DIAPH2: variants seen among roughly 807,000 people sequenced by gnomAD.
DIAPH2 encodes protein diaphanous homolog 2.
In DIAPH2, 35 loss-of-function variants were observed where a neutral mutation model predicts 92.7. The ratio of observed to expected loss-of-function variants is 0.38; its 90% confidence interval spans 0.29 to 0.50. The LOEUF (loss-of-function observed/expected upper bound fraction) is 0.50. Among genes scored for constraint, DIAPH2 ranks in the 20% least tolerant of loss-of-function variants. The pLI is 0.94. For synonymous variants in DIAPH2, 301 were observed against 280.4 expected, an observed-to-expected ratio of 1.07 and a Z score of -0.73; for missense variants, 701 against 819.5, an observed-to-expected ratio of 0.86 and a Z score of 1.77.
intron 3 of DIAPH2, among the ~76,000 whole-genome samples, chrX:96,742,635 C>T (rs768778176): frequency 1.8e-5 from 2 of 110,786 alleles, no homozygotes; most frequent in African/African-American, 6.6e-5. Context: ...TTTATTGTAG[C>T]TCTAAGGAAC....
At chrX:97,599,010 T>G (rs1223991992) in intron 26 of DIAPH2, among the ~76,000 whole-genome samples, 1 of 112,084 alleles carries the variant, frequency 8.9e-6, no homozygotes, top group Non-Finnish European at 1.9e-5. Flanking sequence ...CTGCTTCCAT[T>G]TCTTTTATCA....
intron 23 of DIAPH2, among the ~76,000 whole-genome samples, chrX:97,267,278 G>A (rs1019741731): frequency 5.4e-5 from 6 of 110,742 alleles, no homozygotes; most frequent in Admixed American, 1.9e-4. Flanking sequence ...AATGGGGTGC[G>A]TCAGCTGGAT....
At chrX:96,902,462 C>G (rs917708177) in intron 5 of DIAPH2, among the ~76,000 whole-genome samples, 3 of 110,727 alleles carry the variant, frequency 2.7e-5, no homozygotes, top group Admixed American at 9.6e-5. Flanking sequence ...TCTGGGAGCT[C>G]CAGTGTTAGG....
At chrX:97,292,647 A>G (rs2068603294) in intron 23 of DIAPH2, among the ~76,000 whole-genome samples, 1 of 107,955 alleles carries the variant, frequency 9.3e-6, no homozygotes, top group Non-Finnish European at 1.9e-5. Context: ...CCTGGGTTCA[A>G]GCGATTCCCC....
At chrX:97,310,949 C>T (rs1322628723) in intron 23 of DIAPH2, among the ~76,000 whole-genome samples, 1 of 111,484 alleles carries the variant, frequency 9.0e-6, no homozygotes, top group Non-Finnish European at 1.9e-5. Flanking sequence ...GCGGAGGTTG[C>T]AGTGAGCCGA....
chrX:97,059,697 G>A (rs1415869904), intron 17 of DIAPH2, among the ~76,000 whole-genome samples: 1 of 112,078 alleles, frequency 8.9e-6, no homozygotes, highest in Non-Finnish European at 1.9e-5. Context: ...AAAATTTTAA[G>A]ACAGAGAAAA....
intron 4 of DIAPH2, among the ~76,000 whole-genome samples, chrX:96,820,457 G>A (rs1438615426): frequency 9.0e-6 from 1 of 111,499 alleles, no homozygotes; most frequent in African/African-American, 3.3e-5. Flanking sequence ...GTGACAGAGC[G>A]AGACTCTGTC....
intron 4 of DIAPH2, among the ~76,000 whole-genome samples, chrX:96,779,514 A>G (rs2064401049): frequency 8.9e-6 from 1 of 112,229 alleles, no homozygotes; most frequent in South Asian, 3.7e-4. Flanking sequence ...TGTTATATTT[A>G]GGCCTTACTT....
chrX:97,268,624 A>C (rs1348019926), intron 23 of DIAPH2, among the ~76,000 whole-genome samples: 1 of 112,090 alleles, frequency 8.9e-6, no homozygotes, highest in African/African-American at 3.2e-5. Flanking sequence ...ACCTAGGGAA[A>C]GTCATTTGCC....
At chrX:96,950,156 T>C in intron 15 of DIAPH2, among the ~76,000 whole-genome samples, 1 of 111,661 alleles carries the variant, frequency 9.0e-6, no homozygotes. Flanking sequence ...ACTTAGTTTC[T>C]CCTTATTTTT....
chrX:97,203,122 T>C (rs1334825941), intron 22 of DIAPH2, among the ~76,000 whole-genome samples: 4 of 111,604 alleles, frequency 3.6e-5, no homozygotes, highest in Non-Finnish European at 7.5e-5. Flanking sequence ...TTGAAACCAA[T>C]GAGAACAAGG....
intron 17 of DIAPH2, among the ~76,000 whole-genome samples, chrX:97,029,788 C>G (rs1055114490): frequency 9.0e-5 from 10 of 111,317 alleles, no homozygotes; most frequent in African/African-American, 3.3e-4. Context: ...TATTTTTATT[C>G]CATCAAACTG....
intron 25 of DIAPH2, among the ~76,000 whole-genome samples, chrX:97,403,677 G>A: frequency 9.0e-6 from 1 of 111,404 alleles, no homozygotes. Flanking sequence ...AGTAATATCA[G>A]TCCTTTGAAT....
chrX:96,805,276 C>T (rs1250985159), intron 4 of DIAPH2, among the ~76,000 whole-genome samples: 4 of 110,319 alleles, frequency 3.6e-5, no homozygotes, highest in South Asian at 3.9e-4. Flanking sequence ...AGTGCTATCC[C>T]GAAAAGAAAT....
At chrX:97,530,919 C>A (rs1250588030) in intron 26 of DIAPH2, among the ~76,000 whole-genome samples, 1 of 110,909 alleles carries the variant, frequency 9.0e-6, no homozygotes, top group Admixed American at 9.6e-5. Context: ...GATATAGTAA[C>A]AAGGAGCACA....
chrX:97,316,730 T>C (rs917114337), intron 23 of DIAPH2, among the ~76,000 whole-genome samples: 2 of 111,996 alleles, frequency 1.8e-5, no homozygotes. Flanking sequence ...CCATTTCTTT[T>C]TCCTGTACCT....
chrX:97,142,262 AGTT>A (rs895342613), intron 22 of DIAPH2, among the ~76,000 whole-genome samples: 5 of 111,801 alleles, frequency 4.5e-5, no homozygotes, highest in African/African-American at 1.6e-4. Flanking sequence ...AATGTCCTAT[AGTT>A]GAGATGAGGA....
At chrX:97,256,024 G>C (rs1289538633) in intron 23 of DIAPH2, among the ~76,000 whole-genome samples, 1 of 112,089 alleles carries the variant, frequency 8.9e-6, no homozygotes, top group Non-Finnish European at 1.9e-5. Context: ...AGACTCATCT[G>C]GGAAATCATC....
At chrX:96,970,673 A>G (rs987897882) in intron 17 of DIAPH2, among the ~76,000 whole-genome samples, 5 of 110,324 alleles carry the variant, frequency 4.5e-5, no homozygotes, top group African/African-American at 1.6e-4. Flanking sequence ...TATCTTGTTT[A>G]TGCATTCAAA....
Sources: gnomAD v4.1 joint callset for allele counts (sites outside exome capture counted in the v4.1 genomes callset) on GRCh38, gnomAD v4.1.1 for gene constraint, MANE v1.5 for transcripts, NCBI Gene and HGNC (gene_info 2026-07-23, HGNC 2026-07-21) for gene names.